Variants in TSGA10 observed in about 807,000 individuals in gnomAD.
TSGA10 encodes the protein testis specific 10.
Under a neutral mutation model 96.6 loss-of-function variants are expected in TSGA10, and 43 were observed. That is an observed-to-expected ratio of 0.44 (90% confidence interval 0.35 to 0.57). TSGA10 has a LOEUF of 0.57. Among genes scored for constraint, TSGA10 ranks in the 20% least tolerant of loss-of-function variants. The pLI is 0.01. For missense variants in TSGA10, 703 were observed against 834.4 expected, an observed-to-expected ratio of 0.84 and a Z score of 1.94; for synonymous variants, 229 against 269.9, an observed-to-expected ratio of 0.85 and a Z score of 1.48.
At position 99,058,069 on chromosome 2, in the gene TSGA10, T is replaced by C. The variant is rs117828970; in HGVS notation, c.1404+6870A>G. ...GATGGACACATGCAAAAGAATGAATTTGGACCCTTACTTCATACCATGTGA... is the reference window on the plus strand; with the variant it reads ...GATGGACACATGCAAAAGAATGAATCTGGACCCTTACTTCATACCATGTGA... On this transcript the variant is annotated intron_variant, in intron 16 of 20. Coordinates refer to ENST00000393483, the MANE Select transcript of TSGA10 (RefSeq NM_025244.4). Among the ~76,000 whole-genome samples, 72 of 152,224 alleles carry C rather than the reference T, an allele frequency of 4.7e-4. 1 individual carries two copies. The East Asian group carries it at 0.012, about 25-fold the overall frequency.
intron 16 of TSGA10, among the ~76,000 whole-genome samples, chr2:99,052,622 C>A (rs867423499): frequency 1.6e-4 from 25 of 152,114 alleles, no homozygotes; most frequent in African/African-American, 5.3e-4. Flanking sequence ...CCTGTAGTCC[C>A]AGCTACTTGG....
chr2:99,011,615 GCCTCCCTGACCTTGCTGGACCT>G (rs2079015213), intron 20 of TSGA10, among the ~76,000 whole-genome samples: 1 of 152,128 alleles, frequency 6.6e-6, no homozygotes, highest in South Asian at 2.1e-4. Context: ...ATTGAGGAAA[GCCTCCCTGACCTTGCTGGACCT>G]CCTCCCTGAC....
intron 7 of TSGA10, among the ~76,000 whole-genome samples, chr2:99,108,124 C>A (rs953663513): frequency 2.0e-5 from 3 of 152,062 alleles, no homozygotes; most frequent in Non-Finnish European, 2.9e-5. Context: ...ATGCCCACTT[C>A]TTTTGTTTCT....
chr2:99,040,356 T>C (rs1001935860), intron 16 of TSGA10, among the ~76,000 whole-genome samples: 5 of 152,170 alleles, frequency 3.3e-5, no homozygotes, highest in Non-Finnish European at 7.3e-5. Flanking sequence ...TAGGATCATA[T>C]ACCTAGAAAA....
intron 16 of TSGA10, among the ~76,000 whole-genome samples, chr2:99,063,729 C>A (rs993078620): frequency 6.6e-6 from 1 of 150,814 alleles, no homozygotes; most frequent in African/African-American, 2.5e-5. Context: ...TCACTTGAAT[C>A]TGGAAAGCGG....
At chr2:99,085,651 T>G (rs1369937712) in intron 10 of TSGA10, among the ~76,000 whole-genome samples, 1 of 137,260 alleles carries the variant, frequency 7.3e-6, no homozygotes, top group Non-Finnish European at 1.6e-5. Flanking sequence ...TTTTTGGAGG[T>G]TCTAGAAAAA....
At chr2:99,039,328 C>T (rs930327061) in intron 16 of TSGA10, among the ~76,000 whole-genome samples, 27 of 146,508 alleles carry the variant, frequency 1.8e-4, no homozygotes, top group Admixed American at 1.4e-4. Flanking sequence ...AAAACCACTA[C>T]AAAAGATAAA....
At chr2:99,000,305 C>T (rs571088303) in intron 20 of TSGA10, among the ~76,000 whole-genome samples, 5 of 150,730 alleles carry the variant, frequency 3.3e-5, no homozygotes, top group African/African-American at 7.3e-5. Context: ...GTCAGGAGTT[C>T]GAGACCACCC....
rs1483519727 is a variant in TSGA10 at position 99,116,720 on chromosome 2, TGTTA to T, written c.-140+820_-140+823del. Among the ~76,000 whole-genome samples, 8 of 152,030 alleles carry T rather than the reference TGTTA, an allele frequency of 5.3e-5. No homozygotes were observed. The East Asian group carries it at 5.8e-4, about 11-fold the overall frequency. On this transcript the variant is annotated intron_variant, in intron 4 of 20. Transcript: ENST00000393483. ...AAAAAAAGATTGGCAAATTTTCAAATGTTAGTTAAAAAAAAGTTTTAAATTGACT... is the reference window on the plus strand; with the variant it reads ...AAAAAAAGATTGGCAAATTTTCAAATGTTAAAAAAAAGTTTTAAATTGACT...
rs1248914115 is a variant in TSGA10, at chr2:99,147,093, A to T, written c.-621+7600T>A. ...CCAAGTTACAGCTCTGTCATATTCT[A>T]CTGATTATTTGTTCCTGTACCTGTA... On this transcript the variant is annotated intron_variant, in intron 1 of 20. Transcript: ENST00000393483. The T allele has an allele frequency of 1.6e-5, 3 of 186,896 alleles. No homozygotes were observed. The East Asian group carries it at 3.9e-4, about 24-fold the overall frequency. The allele number at this position is 186,896 out of a possible 1,614,324, so 11.6% of individuals were successfully genotyped here.
chr2:99,118,818 GACA>G (rs1199901375), intron 2 of TSGA10, 132 bp from the exon 3 acceptor site: 1 of 222,716 alleles, frequency 4.5e-6, no homozygotes, highest in South Asian at 1.6e-4. Context: ...GAAATACAAA[GACA>G]ACATGTTAAG....
At chr2:99,054,172 G>C (rs140280373) in intron 16 of TSGA10, among the ~76,000 whole-genome samples, 1,635 of 152,172 alleles carry the variant, frequency 0.011, 8 homozygotes, top group Middle Eastern at 0.027. Flanking sequence ...GCCATAAAAA[G>C]CAGACATAGA....
At chr2:99,094,355 C>T (rs991682016) in intron 10 of TSGA10, among the ~76,000 whole-genome samples, 19 of 152,046 alleles carry the variant, frequency 1.2e-4, no homozygotes, top group African/African-American at 3.1e-4. Flanking sequence ...AGTGACTTTA[C>T]GACCAAGAAC....
chr2:99,127,042 C>T lies in TSGA10; in HGVS notation c.-492+6G>A, dbSNP rs1035483709. ...GTCAGGAAAATATGTTGTAACTAAA[C>T]GCAACCTGTAATTTCAGTGTCGAGA... On this transcript the variant is annotated splice_donor_region_variant and intron_variant, in intron 2 of 20. Transcript: ENST00000393483. 1.3e-5 allele frequency: 17 copies of T among 1,287,584 alleles called. No homozygotes were observed. Among genetic ancestry groups the T allele is most frequent in the African/African-American group, 6.1e-5 (4 of 65,764 alleles). 79.8% of individuals were successfully genotyped at this position (1,287,584 alleles called of 1,614,324 possible). A position where few individuals can be genotyped will look rare whatever the true frequency, so the allele number is the denominator to read the frequency against.
chr2:99,144,648 T>TAAAAAAAA (rs2093613310), intron 1 of TSGA10, among the ~76,000 whole-genome samples: 1 of 15,760 alleles, frequency 6.3e-5, no homozygotes, highest in Non-Finnish European at 1.7e-4. Context: ...AAACTCTGTC[T>TAAAAAAAA]CAAAAAAAAA....
chr2:99,120,202 T>C (rs2092498173), intron 2 of TSGA10, among the ~76,000 whole-genome samples: 1 of 152,186 alleles, frequency 6.6e-6, no homozygotes, highest in African/African-American at 2.4e-5. Flanking sequence ...CATATAATCC[T>C]CAAATTATTA....
chr2:99,121,454 GTA>G (rs1349352718), intron 2 of TSGA10, among the ~76,000 whole-genome samples: 1 of 151,918 alleles, frequency 6.6e-6, no homozygotes, highest in African/African-American at 2.4e-5. Flanking sequence ...CTTCTGTGAA[GTA>G]TATATATTCA....
chr2:99,071,584 TA>T (rs978923072), intron 14 of TSGA10, 121 bp downstream of exon 14: 26 of 868,658 alleles, frequency 3.0e-5, no homozygotes, highest in Non-Finnish European at 4.1e-5. Context: ...TGTTATTTTT[TA>T]AAAAAAAGAA....
chr2:99,095,839 C>A (rs2089979782), intron 10 of TSGA10, among the ~76,000 whole-genome samples: 1 of 152,176 alleles, frequency 6.6e-6, no homozygotes, highest in South Asian at 2.1e-4. Flanking sequence ...CGGAGTTTCA[C>A]CATTTTGGCC....
Sources: gnomAD v4.1 joint callset for allele counts (sites outside exome capture counted in the v4.1 genomes callset) on GRCh38, gnomAD v4.1.1 for gene constraint, MANE v1.5 for transcripts, NCBI Gene and HGNC (gene_info 2026-07-23, HGNC 2026-07-21) for gene names.